SRGAP1: variants seen among roughly 807,000 people sequenced by gnomAD.
The protein encoded by SRGAP1 is SLIT-ROBO Rho GTPase-activating protein 1.
A neutral mutation model predicts 121.9 loss-of-function variants in SRGAP1; 43 were observed. The observed-to-expected ratio is 0.35, with a 90% CI of 0.28 to 0.46. The LOEUF is 0.46. SRGAP1 is among the 20% of genes least tolerant of loss of function. SRGAP1 has a pLI of 1.00. For missense variants in SRGAP1, 1,102 were observed against 1,350.9 expected (o/e 0.82, Z 2.89); for synonymous variants, 447 against 485.4 (o/e 0.92, Z 1.04).
At chr12:63,970,024 A>T (rs184865608) in intron 1 of SRGAP1, among the ~76,000 whole-genome samples, 1 of 152,056 alleles carries the variant, frequency 6.6e-6, no homozygotes, top group Non-Finnish European at 1.5e-5. Context: ...CCCTTGAGCT[A>T]TGCTTCCCTT....
At chr12:63,856,160 A>G (rs1445534750) in intron 1 of SRGAP1, among the ~76,000 whole-genome samples, 2 of 152,136 alleles carry the variant, frequency 1.3e-5, no homozygotes, top group African/African-American at 4.8e-5. Flanking sequence ...TGGGAGGCTG[A>G]GGCAGGAGAA....
intron 1 of SRGAP1, among the ~76,000 whole-genome samples, chr12:63,864,691 A>G (rs915877008): frequency 6.6e-6 from 1 of 152,210 alleles, no homozygotes; most frequent in African/African-American, 2.4e-5. Flanking sequence ...GAAAGCAATA[A>G]TAATAAATGT....
intron 1 of SRGAP1, among the ~76,000 whole-genome samples, chr12:63,937,561 G>A (rs2136346153): frequency 6.6e-6 from 1 of 152,306 alleles, no homozygotes; most frequent in African/African-American, 2.4e-5. Flanking sequence ...AATTAAAGCA[G>A]GGATGCTGAA....
intron 1 of SRGAP1, among the ~76,000 whole-genome samples, chr12:63,963,628 T>C (rs2032705253): frequency 6.6e-6 from 1 of 152,178 alleles, no homozygotes; most frequent in Non-Finnish European, 1.5e-5. Flanking sequence ...TATAGAACAC[T>C]AGAACTTATT....
chr12:64,080,125 C>T (rs2035810289), intron 9 of SRGAP1, among the ~76,000 whole-genome samples, 161 bp from the exon 10 acceptor site: 1 of 151,804 alleles, frequency 6.6e-6, no homozygotes, highest in South Asian at 2.1e-4. Context: ...CGCTTATAAT[C>T]CCAGCTACTC....
rs549258514 is a variant in SRGAP1, at chr12:63,947,656, T to G, written c.68-36291T>G. On this transcript the variant is annotated intron_variant, in intron 1 of 21. Coordinates refer to ENST00000355086, the MANE Select transcript of SRGAP1 (RefSeq NM_020762.4). ...TTGATCTGTATGCCTCTCTTTATGC[T>G]GAGACCACACTTTATTGATTCTGTA... Among the ~76,000 whole-genome samples, 297 of 152,352 alleles carry G rather than the reference T, an allele frequency of 1.9e-3. 3 individuals are homozygous for G. The highest frequency in any genetic ancestry group is 6.8e-3 in the African/African-American group (282 of 41,596).
chr12:64,128,468 T>TAGCCAGAAAACCTA (rs2036735539), intron 21 of SRGAP1, among the ~76,000 whole-genome samples: 1 of 152,092 alleles, frequency 6.6e-6, no homozygotes, highest in Non-Finnish European at 1.5e-5. Context: ...AAACCTATCA[T>TAGCCAGAAAACCTA]TGTGAATAGC....
chr12:63,971,698 G>A (rs1258843882), intron 1 of SRGAP1, among the ~76,000 whole-genome samples: 1 of 152,078 alleles, frequency 6.6e-6, no homozygotes, highest in Non-Finnish European at 1.5e-5. Context: ...GCTAGTTAAT[G>A]GTCAGTACTT....
intron 4 of SRGAP1, among the ~76,000 whole-genome samples, chr12:64,025,873 G>A (rs183007613): frequency 1.5e-4 from 23 of 152,192 alleles, no homozygotes; most frequent in Admixed American, 3.9e-4. Flanking sequence ...TGTTTTTTCT[G>A]CCAGAATGAT....
At chr12:64,129,486 C>T (rs1458282279) in intron 21 of SRGAP1, among the ~76,000 whole-genome samples, 1 of 152,150 alleles carries the variant, frequency 6.6e-6, no homozygotes, top group African/African-American at 2.4e-5. Flanking sequence ...CCTCTGGCAA[C>T]CCCCTCACAG....
chr12:63,975,233 C>T (rs2033061336), intron 1 of SRGAP1, among the ~76,000 whole-genome samples: 1 of 152,188 alleles, frequency 6.6e-6, no homozygotes, highest in African/African-American at 2.4e-5. Flanking sequence ...GTTACACCTC[C>T]TCTGACTAGA....
At chr12:64,009,635 C>CAGAGATGTAAAGGGA in intron 3 of SRGAP1, among the ~76,000 whole-genome samples, 1 of 152,186 alleles carries the variant, frequency 6.6e-6, no homozygotes, top group South Asian at 2.1e-4. Context: ...GTAAGAGATG[C>CAGAGATGTAAAGGGA]CCCAGATAGT....
At chr12:64,100,402 A>T (rs912872248) in intron 15 of SRGAP1, among the ~76,000 whole-genome samples, 7 of 152,212 alleles carry the variant, frequency 4.6e-5, no homozygotes, top group African/African-American at 1.7e-4. Flanking sequence ...TGTAAACTAC[A>T]AGGAAAAAAT....
intron 3 of SRGAP1, among the ~76,000 whole-genome samples, chr12:64,000,480 A>G (rs2033854365): frequency 6.6e-6 from 1 of 152,026 alleles, no homozygotes. Flanking sequence ...AGCCATGACG[A>G]TGTGCACCTC....
At chr12:63,897,240 T>G (rs1257307195) in intron 1 of SRGAP1, among the ~76,000 whole-genome samples, 1 of 152,212 alleles carries the variant, frequency 6.6e-6, no homozygotes, top group Non-Finnish European at 1.5e-5. Context: ...AGAACATATG[T>G]GCTATTTGAT....
chr12:64,028,933 C>T (rs1233473815), intron 4 of SRGAP1, among the ~76,000 whole-genome samples: 1 of 152,196 alleles, frequency 6.6e-6, no homozygotes, highest in Non-Finnish European at 1.5e-5. Flanking sequence ...ACTGCAAGGG[C>T]TTGACATGTA....
chr12:63,936,650 C>A (rs576641368), intron 1 of SRGAP1, among the ~76,000 whole-genome samples: 1 of 152,184 alleles, frequency 6.6e-6, no homozygotes, highest in South Asian at 2.1e-4. Flanking sequence ...GTTCAGCCAG[C>A]GTGTGTAGGT....
intron 2 of SRGAP1, among the ~76,000 whole-genome samples, chr12:63,988,777 C>A (rs1234279095): frequency 6.6e-6 from 1 of 152,148 alleles, no homozygotes; most frequent in Non-Finnish European, 1.5e-5. Context: ...TGCCATTTTA[C>A]AGTTACTTTT....
At chr12:63,988,367 G>A (rs564672391) in intron 2 of SRGAP1, among the ~76,000 whole-genome samples, 12 of 152,210 alleles carry the variant, frequency 7.9e-5, no homozygotes, top group Admixed American at 6.5e-4. Flanking sequence ...CAATAGAAAA[G>A]CTCCAATTAC....
Sources: gnomAD v4.1 joint callset for allele counts (sites outside exome capture counted in the v4.1 genomes callset) on GRCh38, gnomAD v4.1.1 for gene constraint, MANE v1.5 for transcripts, NCBI Gene and HGNC (gene_info 2026-07-23, HGNC 2026-07-21) for gene names.